Variants in PDGFRA observed in about 807,000 individuals in gnomAD.
The protein encoded by PDGFRA is platelet derived growth factor receptor alpha.
Under a neutral mutation model 121.5 loss-of-function variants are expected in PDGFRA, and 25 were observed. The ratio of observed to expected loss-of-function variants is 0.21; its 90% confidence interval spans 0.15 to 0.29. The LOEUF is 0.29. Among genes scored for constraint, PDGFRA ranks in the 10% least tolerant of loss-of-function variants. The pLI, the probability that PDGFRA is intolerant of heterozygous loss-of-function variation, is 1.00. For synonymous variants in PDGFRA, 463 were observed against 494.8 expected, an observed-to-expected ratio of 0.94 and a Z score of 0.85; for missense variants, 1,008 against 1,345.1, an observed-to-expected ratio of 0.75 and a Z score of 3.92.
At chr4:54,291,039 G>T (rs10010509) in intron 22 of PDGFRA, among the ~76,000 whole-genome samples, 30,714 of 152,084 alleles carry the variant, frequency 0.2, 3,782 homozygotes, top group African/African-American at 0.33. Context: ...GAATCCCTGG[G>T]GGTGGTGGCC....
intron 1 of PDGFRA, among the ~76,000 whole-genome samples, chr4:54,250,044 G>T (rs1045190815): frequency 6.6e-6 from 1 of 152,196 alleles, no homozygotes; most frequent in African/African-American, 2.4e-5. Context: ...TAATGCAAAC[G>T]TGAAATGTGG....
At chr4:54,240,200 G>A in intron 1 of PDGFRA, 1 of 194,774 alleles carries the variant, frequency 5.1e-6, no homozygotes, top group Admixed American at 5.3e-5. Context: ...TGCTCTTCAG[G>A]CTGAAATTCT....
In PDGFRA at chr4:54,256,597, T is replaced by G. The variant is rs188064539; in HGVS notation, c.-12-2160T>G. ...TCTCAGTCTGTCGCCCACACTGGAG[T>G]GCAATGGTGCGATCTCAGCTCACTG... On this transcript the variant is annotated intron_variant, in intron 1 of 22. Transcript: ENST00000257290. Among the ~76,000 whole-genome samples the G allele has an allele frequency of 4.8e-3, 723 of 150,982 alleles. 7 individuals are homozygous for G. The highest frequency in any genetic ancestry group is 0.016 in the African/African-American group (673 of 41,002).
rs3068267 is a variant in PDGFRA at position 54,284,801 on chromosome 4, C to CGTGTGT, written c.2324-559_2324-554dup. Reference sequence around the variant, plus strand: ...GACACATATCCAAACTATATCATTGCGTGTGTGTGTGTGTGTATAATTTTT... The same window carrying CGTGTGT: ...GACACATATCCAAACTATATCATTGCGTGTGTGTGTGTGTGTGTGTGTATAATTTTT... On this transcript the variant is annotated intron_variant, in intron 16 of 22. Coordinates refer to ENST00000257290, the MANE Select transcript of PDGFRA (RefSeq NM_006206.6). Among the ~76,000 whole-genome samples, 463 of 147,292 alleles carry CGTGTGT rather than the reference C, an allele frequency of 3.1e-3. 5 individuals are homozygous for CGTGTGT. Among genetic ancestry groups the CGTGTGT allele is most frequent in the African/African-American group, 0.011 (432 of 39,908 alleles).
At chr4:54,281,779 C>G (rs904236230) in intron 16 of PDGFRA, 1 of 1,326,974 alleles carries the variant, frequency 7.5e-7, no homozygotes, top group South Asian at 1.3e-5. Flanking sequence ...CCTTCTTCCT[C>G]GAAAACCCTG....
At chr4:54,288,252 TC>T (rs2110343131) in intron 19 of PDGFRA, among the ~76,000 whole-genome samples, 1 of 152,318 alleles carries the variant, frequency 6.6e-6, no homozygotes, top group African/African-American at 2.4e-5. Context: ...GTGAAATGTT[TC>T]ATGAATTTAT....
intron 16 of PDGFRA, chr4:54,281,519 A>T: frequency 8.6e-7 from 1 of 1,164,512 alleles, no homozygotes; most frequent in Non-Finnish European, 1.2e-6. Context: ...AGTGAGAGTT[A>T]TCGGAACCAG....
chr4:54,295,646 A>T lies in PDGFRA; in HGVS notation c.*374A>T, dbSNP rs3690. The T allele has an allele frequency of 4.6e-5, 17 of 371,294 alleles. No individual in the cohort carries two copies. Among genetic ancestry groups the T allele is most frequent in the Non-Finnish European group, 6.0e-5 (12 of 200,102 alleles). The allele number at this position is 371,294 out of a possible 1,614,324, so 23.0% of individuals were successfully genotyped here. ...GTAATTATGTAAATAACTCTAACCAAGGCTGTGTTTAGATTGTATTAACTA... is the reference window on the plus strand; with the variant it reads ...GTAATTATGTAAATAACTCTAACCATGGCTGTGTTTAGATTGTATTAACTA... On this transcript the variant is annotated 3_prime_UTR_variant, in exon 23 of 23. Transcript: ENST00000257290.
At chr4:54,229,518 A>G in intron 1 of PDGFRA, 103 bp downstream of exon 1, 1 of 390,600 alleles carries the variant, frequency 2.6e-6, no homozygotes, top group Non-Finnish European at 4.5e-6. Context: ...GCGACAAGAA[A>G]AAAAAAAAGG....
At chr4:54,230,163 C>T (rs1028434185) in intron 1 of PDGFRA, among the ~76,000 whole-genome samples, 9 of 151,902 alleles carry the variant, frequency 5.9e-5, no homozygotes, top group Non-Finnish European at 1.2e-4. Context: ...CAGAGGCGCG[C>T]GGGCGTGGGC....
At chr4:54,283,496 G>A (rs1724172895) in intron 16 of PDGFRA, among the ~76,000 whole-genome samples, 1 of 152,376 alleles carries the variant, frequency 6.6e-6, no homozygotes, top group African/African-American at 2.4e-5. Context: ...ACAGGGCAGT[G>A]GACCCTGGGG....
Position 54,277,992 on chromosome 4 carries a change from C to G in PDGFRA, c.1988C>G (p.Ala663Gly), listed in dbSNP as rs2110312166. The change falls in exon 14 of 23, where the codon GCC (alanine) becomes GGC (glycine). Residue 663 changes from alanine to glycine, a missense_variant. Around this residue, in one of 5 missense-constraint regions of PDGFRA, gnomAD observed 61 missense variants for 125.3 expected, o/e 0.49. Coordinates refer to ENST00000257290, the MANE Select transcript of PDGFRA (RefSeq NM_006206.6). ...TTGAACATTGTAAACTTGCTGGGAG[C>G]CTGCACCAAGTCAGGTGGGCTCACT... ...PHLNIVNLLG[A>G]CTKSGPIYII... The G allele has an allele frequency of 6.2e-7, 1 of 1,607,836 alleles. No homozygotes were observed. The highest frequency in any genetic ancestry group is 8.5e-7 in the Non-Finnish European group (1 of 1,174,316).
chr4:54,262,694 C>A (rs1399337186), intron 3 of PDGFRA, among the ~76,000 whole-genome samples: 6 of 152,036 alleles, frequency 3.9e-5, no homozygotes, highest in African/African-American at 1.4e-4. Flanking sequence ...AAACCAAAAA[C>A]TTTGTTTTGA....
chr4:54,249,642 G>A (rs1021514332), intron 1 of PDGFRA, among the ~76,000 whole-genome samples: 8 of 152,198 alleles, frequency 5.3e-5, no homozygotes, highest in African/African-American at 1.9e-4. Flanking sequence ...TTGTGGGGTG[G>A]GGGTAGTGGG....
rs1724949370 is a variant in PDGFRA at position 54,297,800 on chromosome 4, C to CTT, written c.*2532_*2533dup. ...CCGGCCTGAGAAACACTATTTGTGA[C>CTT]TTTTTAAACGATTAGTGATGTCCTT... On this transcript the variant is annotated 3_prime_UTR_variant, in exon 23 of 23. Coordinates refer to ENST00000257290, the MANE Select transcript of PDGFRA (RefSeq NM_006206.6). 8.6e-6 allele frequency: 2 copies of CTT among 233,524 alleles called. No homozygotes were observed. The highest frequency in any genetic ancestry group is 3.6e-4 in the South Asian group (2 of 5,522). 14.5% of individuals were successfully genotyped at this position (233,524 alleles called of 1,614,324 possible). A position where few individuals can be genotyped will look rare whatever the true frequency, so the allele number is the denominator to read the frequency against.
At chr4:54,243,042 AC>A (rs1482584080) in intron 1 of PDGFRA, among the ~76,000 whole-genome samples, 3 of 152,102 alleles carry the variant, frequency 2.0e-5, no homozygotes, top group South Asian at 2.1e-4. Context: ...ATTACTACAG[AC>A]CAATACTTCT....
At chr4:54,277,872 A>T (rs2110310556) in intron 13 of PDGFRA, 24 bp from the exon 14 acceptor site, 3 of 1,481,322 alleles carry the variant, frequency 2.0e-6, no homozygotes, top group Non-Finnish European at 2.8e-6. Context: ...AGCTGGACTG[A>T]TATGTGATTT....
At chr4:54,229,860 T>G (rs1720561176) in intron 1 of PDGFRA, 1 of 150,846 alleles carries the variant, frequency 6.6e-6, no homozygotes, top group African/African-American at 2.4e-5. Flanking sequence ...TTTAAATGAG[T>G]GTTTTCATTC....
rs1577709102 is a variant in PDGFRA, at chr4:54,263,703, A to G, written c.404A>G (p.Asp135Gly). 1 of 1,613,978 alleles carries G rather than the reference A, an allele frequency of 6.2e-7. No homozygotes were observed. Among genetic ancestry groups the G allele is most frequent in the East Asian group, 2.2e-5 (1 of 44,880 alleles). ...GCCTTTGTACCTCTAGGAATGACGG[A>G]TTATTTAGTCATCGTGGAGGATGAT... is the stretch of plus-strand genomic sequence containing the variant. ...DVAFVPLGMT[D>G]YLVIVEDDDS... Residue 135 changes from aspartate to glycine, a missense_variant, in exon 4 of 23, where the codon GAT (aspartate) becomes GGT (glycine). By Grantham distance (94) the Asp-to-Gly change is moderately conservative. Coordinates refer to ENST00000257290, the MANE Select transcript of PDGFRA (RefSeq NM_006206.6).
Sources: allele counts gnomAD v4.1 joint callset (sites outside exome capture counted in the v4.1 genomes callset), GRCh38; gene constraint gnomAD v4.1.1; regional missense constraint gnomAD v4.1.1; transcripts MANE v1.5; gene names NCBI Gene and HGNC (gene_info 2026-07-23, HGNC 2026-07-21).